Variants in SNX29 observed in about 807,000 individuals in gnomAD.
SNX29 encodes sorting nexin 29.
Under a neutral mutation model 102.1 loss-of-function variants are expected in SNX29, and 78 were observed. The observed-to-expected ratio is 0.76, with a 90% CI of 0.64 to 0.92. The LOEUF is 0.92. Ranked by LOEUF, SNX29 falls within the 40% of genes least tolerant of loss-of-function variation. The pLI, the probability that SNX29 is intolerant of heterozygous loss-of-function variation, is 0.00. For synonymous variants in SNX29, 580 were observed against 414.5 expected (o/e 1.40, Z -4.85); for missense variants, 1,280 against 1,061.7 (o/e 1.21, Z -2.86).
intron 13 of SNX29, among the ~76,000 whole-genome samples, chr16:12,173,723 C>G (rs1596423913): frequency 6.6e-6 from 1 of 152,194 alleles, no homozygotes; most frequent in Admixed American, 6.5e-5. Flanking sequence ...GAGATGTTTC[C>G]TTGCTTATAA....
intron 1 of SNX29, among the ~76,000 whole-genome samples, chr16:11,984,994 C>A (rs1285856354): frequency 2.0e-5 from 3 of 151,110 alleles, no homozygotes; most frequent in Non-Finnish European, 4.4e-5. Flanking sequence ...AGTAATGATG[C>A]AGTGAACATT....
At chr16:12,393,498 A>G (rs537256272) in intron 16 of SNX29, among the ~76,000 whole-genome samples, 8 of 149,968 alleles carry the variant, frequency 5.3e-5, no homozygotes, top group South Asian at 2.1e-4. Flanking sequence ...CATGGTGAAC[A>G]GGTGGGTGTG....
intron 19 of SNX29, among the ~76,000 whole-genome samples, chr16:12,489,014 T>C (rs917310996): frequency 6.6e-6 from 1 of 152,242 alleles, no homozygotes; most frequent in African/African-American, 2.4e-5. Context: ...TTGTATATCC[T>C]TATTTAGTCT....
In SNX29 at chr16:12,397,918, C is replaced by G. The variant is rs2083777706; in HGVS notation, c.1900-528C>G. Among the ~76,000 whole-genome samples the G allele has an allele frequency of 2.0e-5, 3 of 152,174 alleles. No homozygotes were observed. In the South Asian group the frequency reaches 6.2e-4, roughly 32 times the overall value. On this transcript the variant is annotated intron_variant, in intron 16 of 20. Coordinates refer to ENST00000566228, the MANE Select transcript of SNX29 (RefSeq NM_032167.5). The stretch of plus-strand genomic sequence containing the variant: ...CACCATGCCACACAGTTTAGTTTCT[C>G]TCCCCTAGTCATCATCTCATGTGGC...
At chr16:12,503,649 A>C (rs932380865) in intron 19 of SNX29, among the ~76,000 whole-genome samples, 3 of 152,206 alleles carry the variant, frequency 2.0e-5, no homozygotes, top group African/African-American at 7.2e-5. Context: ...GAGCGATCCC[A>C]GCAGAACGGG....
intron 11 of SNX29, among the ~76,000 whole-genome samples, chr16:12,115,905 C>T (rs1328817649): frequency 2.0e-5 from 3 of 152,334 alleles, no homozygotes; most frequent in African/African-American, 7.2e-5. Flanking sequence ...GAGGAGTATT[C>T]TTAGGGGAGC....
chr16:12,027,713 A>T lies in SNX29; in HGVS notation c.247+269A>T, dbSNP rs2057233601. ...TCGGGGACCTGTAGCACACTGGTTT[A>T]TTTCACCACTGTGGCGTGCCAGTTG... On this transcript the variant is annotated intron_variant, in intron 4 of 20. Coordinates refer to ENST00000566228, the MANE Select transcript of SNX29 (RefSeq NM_032167.5). 1.5e-5 allele frequency: 4 copies of T among 273,708 alleles called. No homozygotes were observed. In the Admixed American group the frequency reaches 2.0e-4, roughly 14 times the overall value. 17.0% of individuals were successfully genotyped at this position (273,708 alleles called of 1,614,324 possible). A position where few individuals can be genotyped will look rare whatever the true frequency, so the allele number is the denominator to read the frequency against.
chr16:12,559,700 C>A (rs114198942), intron 20 of SNX29, among the ~76,000 whole-genome samples: 2 of 152,098 alleles, frequency 1.3e-5, no homozygotes, highest in African/African-American at 2.4e-5. Flanking sequence ...TCGAGCTTCC[C>A]ATCTCCCATG....
At chr16:12,296,073 T>G (rs891628512) in intron 15 of SNX29, among the ~76,000 whole-genome samples, 5 of 152,282 alleles carry the variant, frequency 3.3e-5, no homozygotes, top group Non-Finnish European at 7.3e-5. Flanking sequence ...TATTATCTTT[T>G]TGTCTTCCTG....
intron 11 of SNX29, among the ~76,000 whole-genome samples, chr16:12,094,159 A>T (rs555925949): frequency 3.7e-4 from 56 of 152,290 alleles, no homozygotes; most frequent in East Asian, 1.2e-3. Context: ...CCTCTGACAC[A>T]GTTGTGAGGA....
At chr16:12,212,522 C>T (rs772617774) in intron 14 of SNX29, among the ~76,000 whole-genome samples, 4 of 152,182 alleles carry the variant, frequency 2.6e-5, no homozygotes, top group African/African-American at 4.8e-5. Context: ...CCAGCCCTGT[C>T]ATTTACTAGC....
intron 16 of SNX29, among the ~76,000 whole-genome samples, chr16:12,396,201 T>A (rs1269531486): frequency 1.3e-5 from 2 of 152,248 alleles, no homozygotes; most frequent in East Asian, 3.8e-4. Context: ...AATACCTTGT[T>A]CCAGAATTAG....
intron 19 of SNX29, among the ~76,000 whole-genome samples, chr16:12,507,399 C>T (rs1245541365): frequency 6.6e-6 from 1 of 152,214 alleles, no homozygotes; most frequent in African/African-American, 2.4e-5. Flanking sequence ...ATGGCTAATG[C>T]AGAATCGAAC....
Position 12,526,659 on chromosome 16 carries a change from G to A in SNX29, c.2318+1818G>A, listed in dbSNP as rs756194375. On this transcript the variant is annotated intron_variant, in intron 20 of 20. Transcript: ENST00000566228. ...GTGCACGGGGGAATTAGCCTCTCGCGGAGTCATCACGCATCGACTGAATTC... is the reference window on the plus strand; with the variant it reads ...GTGCACGGGGGAATTAGCCTCTCGCAGAGTCATCACGCATCGACTGAATTC... 134 of 523,250 alleles carry A rather than the reference G, an allele frequency of 2.6e-4. 3 individuals are homozygous for A. The highest frequency in any genetic ancestry group is 1.9e-3 in the South Asian group (117 of 62,974). 32.4% of individuals were successfully genotyped at this position (523,250 alleles called of 1,614,324 possible).
At chr16:12,542,929 A>G (rs2141267812) in intron 20 of SNX29, among the ~76,000 whole-genome samples, 1 of 152,314 alleles carries the variant, frequency 6.6e-6, no homozygotes, top group East Asian at 1.9e-4. Context: ...GCAAAACTAT[A>G]GAGCCCTACT....
intron 20 of SNX29, among the ~76,000 whole-genome samples, chr16:12,538,010 G>A (rs923206156): frequency 1.9e-4 from 29 of 150,600 alleles, no homozygotes; most frequent in Admixed American, 1.7e-3. Flanking sequence ...AAAATTGTCT[G>A]CCATTTATAG....
chr16:12,178,524 G>C (rs2076312173), intron 13 of SNX29, among the ~76,000 whole-genome samples: 1 of 152,232 alleles, frequency 6.6e-6, no homozygotes, highest in South Asian at 2.1e-4. Flanking sequence ...CAAGGGGCCA[G>C]ATGTCCTGAA....
At chr16:12,020,670 C>G (rs2056991125) in intron 3 of SNX29, among the ~76,000 whole-genome samples, 1 of 151,258 alleles carries the variant, frequency 6.6e-6, no homozygotes, top group Admixed American at 6.6e-5. Flanking sequence ...GTCCCCCAGG[C>G]TGGAGTGCAG....
intron 20 of SNX29, among the ~76,000 whole-genome samples, chr16:12,540,093 C>G (rs946500357): frequency 2.6e-5 from 4 of 152,178 alleles, no homozygotes; most frequent in Non-Finnish European, 5.9e-5. Flanking sequence ...AATTGTTAGC[C>G]TAAACCCAGG....
Sources: allele counts gnomAD v4.1 joint callset (sites outside exome capture counted in the v4.1 genomes callset), GRCh38; gene constraint gnomAD v4.1.1; transcripts MANE v1.5; gene names NCBI Gene and HGNC (gene_info 2026-07-23, HGNC 2026-07-21).